GRM3: variants seen among roughly 807,000 people sequenced by gnomAD.
GRM3 encodes the protein metabotropic glutamate receptor 3.
Under a neutral mutation model 70.5 loss-of-function variants are expected in GRM3, and 26 were observed. That is an observed-to-expected ratio of 0.37 (90% CI 0.27 to 0.51). GRM3 has a LOEUF of 0.51. Ranked by LOEUF, GRM3 falls within the 20% of genes least tolerant of loss-of-function variation. GRM3 has a pLI of 0.93. For missense variants in GRM3, 859 were observed against 1,123.8 expected, an observed-to-expected ratio of 0.76 and a Z score of 3.37; for synonymous variants, 443 against 434.9, an observed-to-expected ratio of 1.02 and a Z score of -0.23.
At chr7:86,713,369 T>G (rs2116184309) in intron 1 of GRM3, among the ~76,000 whole-genome samples, 1 of 152,184 alleles carries the variant, frequency 6.6e-6, no homozygotes, top group African/African-American at 2.4e-5. Context: ...TAGCCTCATA[T>G]TCAAAGTGCT....
chr7:86,758,118 T>A (rs561351330), intron 1 of GRM3, among the ~76,000 whole-genome samples: 1 of 152,230 alleles, frequency 6.6e-6, no homozygotes, highest in African/African-American at 2.4e-5. Flanking sequence ...TAGCAATAGA[T>A]GATATAATTA....
chr7:86,707,604 A>G (rs78925313), intron 1 of GRM3, among the ~76,000 whole-genome samples: 2,042 of 152,198 alleles, frequency 0.013, 38 homozygotes, highest in African/African-American at 0.047. Flanking sequence ...TGATGCAGGG[A>G]ACAAAAGAGC....
At chr7:86,806,989 T>C (rs1189097157) in intron 3 of GRM3, among the ~76,000 whole-genome samples, 2 of 136,744 alleles carry the variant, frequency 1.5e-5, no homozygotes, top group Admixed American at 7.2e-5. Flanking sequence ...CCAGCACCAT[T>C]TATTAAATAG....
At chr7:86,658,631 C>T (rs1793810074) in intron 1 of GRM3, among the ~76,000 whole-genome samples, 1 of 152,146 alleles carries the variant, frequency 6.6e-6, no homozygotes, top group African/African-American at 2.4e-5. Context: ...TGCTCACTTA[C>T]AGGTGTATAT....
intron 3 of GRM3, among the ~76,000 whole-genome samples, chr7:86,805,278 CTTTA>C (rs910952489): frequency 2.5e-4 from 38 of 151,902 alleles, no homozygotes; most frequent in African/African-American, 8.7e-4. Flanking sequence ...TAAAACTAGA[CTTTA>C]TTTTTTTAGA....
intron 3 of GRM3, among the ~76,000 whole-genome samples, chr7:86,827,984 C>T (rs1424293696): frequency 1.3e-5 from 2 of 151,916 alleles, no homozygotes; most frequent in African/African-American, 4.8e-5. Flanking sequence ...TGGTGGCAGG[C>T]ACCTGTAGTC....
chr7:86,855,111 G>C (rs2115585542), intron 5 of GRM3, among the ~76,000 whole-genome samples: 1 of 152,232 alleles, frequency 6.6e-6, no homozygotes, highest in Admixed American at 6.5e-5. Context: ...CTTTGTATAT[G>C]GATGAAAAAG....
chr7:86,731,474 A>G (rs1260034010), intron 1 of GRM3, among the ~76,000 whole-genome samples: 1 of 152,210 alleles, frequency 6.6e-6, no homozygotes, highest in Non-Finnish European at 1.5e-5. Context: ...AAATAACAAT[A>G]TTCAACCAGT....
At chr7:86,720,694 T>C (rs1795438151) in intron 1 of GRM3, among the ~76,000 whole-genome samples, 1 of 152,020 alleles carries the variant, frequency 6.6e-6, no homozygotes, top group Admixed American at 6.6e-5. Context: ...AGCATCAAGG[T>C]AAATCAAATA....
chr7:86,794,054 G>GA lies in GRM3; in HGVS notation c.1324+6945dup, dbSNP rs561924269. ...CACTTGCAAAGGTATCTGGAGATTGGAAAAAAATATTCTAAGTATTTTTTT... is the reference window on the plus strand; with the variant it reads ...CACTTGCAAAGGTATCTGGAGATTGGAAAAAAAATATTCTAAGTATTTTTTT... On this transcript the variant is annotated intron_variant, in intron 3 of 5. Coordinates refer to ENST00000361669, the MANE Select transcript of GRM3 (RefSeq NM_000840.3). Among the ~76,000 whole-genome samples, 33 of 151,832 alleles carry GA rather than the reference G, an allele frequency of 2.2e-4. 1 individual carries two copies. The highest frequency in any genetic ancestry group is 5.6e-4 in the African/African-American group (23 of 41,420).
At chr7:86,657,862 C>T (rs1793786528) in intron 1 of GRM3, among the ~76,000 whole-genome samples, 1 of 152,094 alleles carries the variant, frequency 6.6e-6, no homozygotes, top group African/African-American at 2.4e-5. Context: ...AAAAAAATAC[C>T]AGCCAAAACA....
intron 4 of GRM3, among the ~76,000 whole-genome samples, chr7:86,842,211 C>T (rs1199577691): frequency 1.3e-5 from 2 of 152,164 alleles, no homozygotes; most frequent in Non-Finnish European, 2.9e-5. Context: ...GATTGAAACC[C>T]TCAGCTCTAA....
At chr7:86,696,587 G>A (rs1001122086) in intron 1 of GRM3, among the ~76,000 whole-genome samples, 1 of 152,168 alleles carries the variant, frequency 6.6e-6, no homozygotes, top group Non-Finnish European at 1.5e-5. Flanking sequence ...ATCTGTTAAA[G>A]CAGCAATAGC....
At chr7:86,751,298 G>A (rs1005006036) in intron 1 of GRM3, among the ~76,000 whole-genome samples, 2 of 152,064 alleles carry the variant, frequency 1.3e-5, no homozygotes, top group Admixed American at 6.6e-5. Context: ...CTTCAGATGT[G>A]TCACACTGGA....
At chr7:86,696,445 T>G (rs1183084925) in intron 1 of GRM3, among the ~76,000 whole-genome samples, 1 of 152,146 alleles carries the variant, frequency 6.6e-6, no homozygotes, top group Non-Finnish European at 1.5e-5. Context: ...AATTTTCCCT[T>G]ACAGCCTCCA....
intron 1 of GRM3, among the ~76,000 whole-genome samples, chr7:86,708,281 G>A (rs1008274635): frequency 5.9e-5 from 9 of 152,178 alleles, no homozygotes; most frequent in Non-Finnish European, 8.8e-5. Context: ...CATGCCCAGT[G>A]GTCTCTATAG....
At chr7:86,838,192 A>G (rs1442267345) in intron 3 of GRM3, among the ~76,000 whole-genome samples, 1 of 152,188 alleles carries the variant, frequency 6.6e-6, no homozygotes, top group Non-Finnish European at 1.5e-5. Context: ...GAATATGAGC[A>G]TGCTGTATAT....
chr7:86,856,022 G>A (rs1043417228), intron 5 of GRM3, among the ~76,000 whole-genome samples: 2 of 152,144 alleles, frequency 1.3e-5, no homozygotes, highest in Non-Finnish European at 2.9e-5. Flanking sequence ...TATCATACAC[G>A]TAAATCTTCA....
At chr7:86,795,081 A>G (rs1797515771) in intron 3 of GRM3, among the ~76,000 whole-genome samples, 1 of 151,568 alleles carries the variant, frequency 6.6e-6, no homozygotes, top group Non-Finnish European at 1.5e-5. Context: ...GAAGTAAAGT[A>G]ACGAAAGTTT....
Sources: gnomAD v4.1 joint callset for allele counts (sites outside exome capture counted in the v4.1 genomes callset) on GRCh38, gnomAD v4.1.1 for gene constraint, MANE v1.5 for transcripts, NCBI Gene and HGNC (gene_info 2026-07-23, HGNC 2026-07-21) for gene names.